The following EYA2 variants were observed in gnomAD, a reference collection of about 807,000 sequenced individuals.
EYA2 encodes the protein EYA transcriptional coactivator and phosphatase 2, also known as protein phosphatase EYA2.
EYA2 carries 31 observed loss-of-function variants against 69.2 expected under a neutral mutation model. That is an observed-to-expected ratio of 0.45 (90% CI 0.34 to 0.60). The LOEUF (loss-of-function observed/expected upper bound fraction) is 0.60, where lower values mean the gene tolerates loss of function less well. Among genes scored for constraint, EYA2 ranks in the 20% least tolerant of loss-of-function variants. The pLI, the probability that EYA2 is intolerant of heterozygous loss-of-function variation, is 0.02. For missense variants in EYA2, 622 were observed against 701.2 expected (o/e 0.89, Z 1.28); for synonymous variants, 257 against 279.4 (o/e 0.92, Z 0.80).
chr20:47,081,501 G>A (rs990721031), intron 7 of EYA2, among the ~76,000 whole-genome samples: 14 of 152,030 alleles, frequency 9.2e-5, no homozygotes, highest in Middle Eastern at 3.4e-3. Context: ...TAAAAAGGCC[G>A]GGCATGGTGG....
chr20:47,026,522 A>C (rs895299413), intron 5 of EYA2, among the ~76,000 whole-genome samples: 1 of 152,234 alleles, frequency 6.6e-6, no homozygotes, highest in African/African-American at 2.4e-5. Context: ...AACAAAAAAA[A>C]AGAAAACAAA....
chr20:47,061,662 G>A (rs1194642340), intron 5 of EYA2, among the ~76,000 whole-genome samples: 2 of 152,168 alleles, frequency 1.3e-5, no homozygotes, highest in African/African-American at 4.8e-5. Flanking sequence ...AACAAATATG[G>A]AACTGAGAGA....
chr20:47,041,217 A>G (rs971475103), intron 5 of EYA2, among the ~76,000 whole-genome samples: 1 of 152,246 alleles, frequency 6.6e-6, no homozygotes, highest in African/African-American at 2.4e-5. Flanking sequence ...TCCTAAGGAA[A>G]TCTAAAAACT....
At chr20:47,128,366 TA>T (rs1170511183) in intron 9 of EYA2, among the ~76,000 whole-genome samples, 2 of 152,182 alleles carry the variant, frequency 1.3e-5, no homozygotes, top group African/African-American at 4.8e-5. Context: ...GCATTGCAGT[TA>T]TCAGAGAGGA....
At chr20:46,928,033 A>G (rs79402754) in intron 1 of EYA2, among the ~76,000 whole-genome samples, 6 of 152,328 alleles carry the variant, frequency 3.9e-5, no homozygotes, top group Non-Finnish European at 7.3e-5. Context: ...AAGCTCTCCA[A>G]CTATATTTAC....
At chr20:46,961,836 A>G (rs1979494772) in intron 1 of EYA2, among the ~76,000 whole-genome samples, 1 of 152,244 alleles carries the variant, frequency 6.6e-6, no homozygotes, top group African/African-American at 2.4e-5. Context: ...TCATGGAAGC[A>G]GAAAGCAGAC....
At chr20:46,896,950 A>G (rs1457877521) in intron 1 of EYA2, among the ~76,000 whole-genome samples, 5 of 152,218 alleles carry the variant, frequency 3.3e-5, no homozygotes, top group Non-Finnish European at 7.3e-5. Flanking sequence ...CTTCCCCAAT[A>G]TCAGAAAAAC....
At chr20:47,066,818 TG>T (rs2031126451) in intron 5 of EYA2, among the ~76,000 whole-genome samples, 1 of 152,156 alleles carries the variant, frequency 6.6e-6, no homozygotes, top group African/African-American at 2.4e-5. Context: ...CTTAAGAGGA[TG>T]TTTTTTTCAT....
At chr20:46,952,902 A>C (rs1045430892) in intron 1 of EYA2, among the ~76,000 whole-genome samples, 3 of 152,128 alleles carry the variant, frequency 2.0e-5, no homozygotes, top group African/African-American at 7.2e-5. Flanking sequence ...GCCCAGGGAA[A>C]CTCTCTATCA....
At chr20:47,043,409 C>T (rs927860746) in intron 5 of EYA2, among the ~76,000 whole-genome samples, 3 of 152,148 alleles carry the variant, frequency 2.0e-5, no homozygotes, top group Non-Finnish European at 4.4e-5. Context: ...AGGTGCCTTC[C>T]AACACAGCCA....
At position 47,097,093 on chromosome 20, in the gene EYA2, C is replaced by T. The variant is rs778431393; in HGVS notation, c.813C>T (p.Phe271=). 7.5e-6 allele frequency: 12 copies of T among 1,609,324 alleles called. No homozygotes were observed. The East Asian group carries it at 1.1e-4, about 15-fold the overall frequency. ...CCTCTCTTTCATCACAGCGTGTGTT[C>T]GTGTGGGACTTGGATGAGACAATAA... ...PAGDNEIERV[F]VWDLDETIII... is the part of the protein sequence containing the mutation. Residue 271 remains phenylalanine, a synonymous_variant, in exon 9 of 16, where the codon TTC becomes TTT. Transcript: ENST00000327619.
intron 10 of EYA2, among the ~76,000 whole-genome samples, chr20:47,163,449 C>T (rs562972195): frequency 2.6e-5 from 4 of 152,138 alleles, no homozygotes; most frequent in African/African-American, 9.6e-5. Flanking sequence ...CTGTAATCCC[C>T]GCACTTTGGG....
intron 1 of EYA2, among the ~76,000 whole-genome samples, chr20:46,951,081 GT>G (rs1254770899): frequency 2.6e-5 from 4 of 152,308 alleles, no homozygotes; most frequent in South Asian, 2.1e-4. Flanking sequence ...CCGTTTGGAA[GT>G]TGGATGGTTT....
Position 47,089,282 on chromosome 20 carries a change from G to A in EYA2, c.705G>A (p.Glu235=), listed in dbSNP as rs1375757501. 21 of 1,614,170 alleles carry A rather than the reference G, an allele frequency of 1.3e-5. No individual in the cohort carries two copies. Among genetic ancestry groups the A allele is most frequent in the Middle Eastern group, 3.3e-4 (2 of 6,062 alleles). ...THNGPSTPAK[E]GDTDRPHRAS... ...ATGGACCTTCCACACCAGCGAAAGA[G>A]GGAGACACAGACAGGCCGCACCGGG... The change falls in exon 8 of 16, where the codon GAG becomes GAA. Residue 235 remains glutamate (E), a synonymous_variant. Transcript: ENST00000327619.
intron 1 of EYA2, among the ~76,000 whole-genome samples, chr20:46,908,377 T>C (rs1392254371): frequency 6.6e-6 from 1 of 152,160 alleles, no homozygotes; most frequent in African/African-American, 2.4e-5. Context: ...GAGAACATTC[T>C]AGAAAGAAGC....
At chr20:47,172,469 T>A (rs6124958) in intron 11 of EYA2, among the ~76,000 whole-genome samples, 1 of 151,992 alleles carries the variant, frequency 6.6e-6, no homozygotes, top group Admixed American at 6.5e-5. Flanking sequence ...AAAAAATAAA[T>A]GAAAGGCAAA....
At chr20:47,154,216 T>A (rs1446796420) in intron 10 of EYA2, among the ~76,000 whole-genome samples, 1 of 151,968 alleles carries the variant, frequency 6.6e-6, no homozygotes, top group African/African-American at 2.4e-5. Flanking sequence ...TCAATGCATG[T>A]ACATGGAGAG....
intron 10 of EYA2, among the ~76,000 whole-genome samples, chr20:47,151,742 C>A (rs2033827290): frequency 6.6e-6 from 1 of 151,998 alleles, no homozygotes; most frequent in African/African-American, 2.4e-5. Context: ...ACATTTTGTA[C>A]TCTTTGTAAC....
intron 1 of EYA2, among the ~76,000 whole-genome samples, chr20:46,976,297 A>C (rs1980454015): frequency 6.6e-6 from 1 of 152,226 alleles, no homozygotes; most frequent in South Asian, 2.1e-4. Context: ...TGAGCCCAGG[A>C]GGTGGACACC....
Sources: allele counts gnomAD v4.1 joint callset (sites outside exome capture counted in the v4.1 genomes callset), GRCh38; gene constraint gnomAD v4.1.1; transcripts MANE v1.5; gene names NCBI Gene and HGNC (gene_info 2026-07-23, HGNC 2026-07-21).